RBFOX1: variants seen among roughly 807,000 people sequenced by gnomAD.
The protein encoded by RBFOX1 is RNA binding fox-1 homolog 1, also known as RNA binding protein fox-1 homolog 1.
Under a neutral mutation model 57.7 loss-of-function variants are expected in RBFOX1, and 8 were observed. The observed-to-expected ratio is 0.14, with a 90% CI of 0.08 to 0.25. RBFOX1 has a LOEUF of 0.25. Ranked by LOEUF, RBFOX1 falls within the 10% of genes least tolerant of loss-of-function variation. The pLI is 1.00. For synonymous variants in RBFOX1, 326 were observed against 222.4 expected (o/e 1.47, Z -4.15); for missense variants, 611 against 548.5 (o/e 1.11, Z -1.14).
chr16:6,694,836 C>G (rs778190438), intron 3 of RBFOX1, among the ~76,000 whole-genome samples: 5 of 152,060 alleles, frequency 3.3e-5, no homozygotes, highest in Non-Finnish European at 5.9e-5. Flanking sequence ...ATTGGACAGA[C>G]CTGGTCTAGA....
chr16:6,942,521 G>T (rs951996474), intron 3 of RBFOX1, among the ~76,000 whole-genome samples: 1 of 152,134 alleles, frequency 6.6e-6, no homozygotes, highest in Non-Finnish European at 1.5e-5. Flanking sequence ...TTCCTAGTGA[G>T]ACTATCAGTT....
intron 3 of RBFOX1, among the ~76,000 whole-genome samples, chr16:6,844,397 C>G (rs2093650965): frequency 6.6e-6 from 1 of 152,056 alleles, no homozygotes; most frequent in Non-Finnish European, 1.5e-5. Flanking sequence ...TCCCATGTGC[C>G]CATGTGTTCT....
intron 4 of RBFOX1, among the ~76,000 whole-genome samples, chr16:7,200,297 A>C (rs2088002227): frequency 6.6e-6 from 1 of 152,130 alleles, no homozygotes; most frequent in African/African-American, 2.4e-5. Context: ...TGGAGTGGAG[A>C]AGTGAATAAC....
intron 3 of RBFOX1, among the ~76,000 whole-genome samples, chr16:6,924,466 G>A (rs1245707264): frequency 1.3e-5 from 2 of 152,118 alleles, no homozygotes; most frequent in African/African-American, 4.8e-5. Context: ...CAGGCACCAA[G>A]CCATTCTTGA....
At chr16:5,558,105 A>G (rs1479942619) in intron 2 of RBFOX1, among the ~76,000 whole-genome samples, 5 of 152,114 alleles carry the variant, frequency 3.3e-5, no homozygotes, top group South Asian at 2.1e-4. Flanking sequence ...CCATCACTCA[A>G]TAATACCTTG....
chr16:7,524,929 A>C (rs1481963833), intron 5 of RBFOX1, among the ~76,000 whole-genome samples: 1 of 152,218 alleles, frequency 6.6e-6, no homozygotes, highest in Non-Finnish European at 1.5e-5. Context: ...ATCATCATCA[A>C]AGCAATTCAG....
At chr16:6,490,037 G>A (rs2095596597) in intron 2 of RBFOX1, among the ~76,000 whole-genome samples, 1 of 152,176 alleles carries the variant, frequency 6.6e-6, no homozygotes, top group Non-Finnish European at 1.5e-5. Context: ...TGCCAGGTGG[G>A]TGATGGTGGA....
At chr16:5,838,063 A>C (rs1333226004) in intron 3 of RBFOX1, 1 of 152,656 alleles carries the variant, frequency 6.6e-6, no homozygotes, top group Admixed American at 6.5e-5. Context: ...GGGGCTTGAA[A>C]ACATAATTCT....
chr16:6,341,665 T>C (rs1223494800), intron 2 of RBFOX1, among the ~76,000 whole-genome samples: 1 of 152,094 alleles, frequency 6.6e-6, no homozygotes, highest in Non-Finnish European at 1.5e-5. Context: ...TGTTATGCTG[T>C]ATATAAACAA....
intron 3 of RBFOX1, among the ~76,000 whole-genome samples, chr16:6,990,087 A>C (rs1035128840): frequency 6.6e-6 from 1 of 152,224 alleles, no homozygotes. Flanking sequence ...AAGAGGTCAG[A>C]TACTGCTTGT....
intron 1 of RBFOX1, among the ~76,000 whole-genome samples, chr16:6,076,906 G>A (rs188161386): frequency 6.6e-6 from 1 of 152,264 alleles, no homozygotes; most frequent in East Asian, 1.9e-4. Flanking sequence ...GTGGGAACAT[G>A]GAAGCCAATG....
Position 6,690,897 on chromosome 16 carries a change from G to A in RBFOX1, c.-16+36247G>A, listed in dbSNP as rs1305008305. On this transcript the variant is annotated intron_variant, in intron 3 of 15. Coordinates refer to ENST00000550418, the MANE Select transcript of RBFOX1 (RefSeq NM_018723.4). ...TGAAACATAATCAGGGGAATTGGCA[G>A]GTTTGGGTTTTCATTTTCACCTCCG... is the stretch of plus-strand genomic sequence containing the variant. 3.3e-5 allele frequency among the ~76,000 whole-genome samples: 5 copies of A among 152,060 alleles called. No homozygotes were observed. In the East Asian group the frequency reaches 7.7e-4, roughly 24 times the overall value.
intron 1 of RBFOX1, among the ~76,000 whole-genome samples, chr16:6,158,178 C>G (rs2096852002): frequency 6.6e-6 from 1 of 152,170 alleles, no homozygotes; most frequent in African/African-American, 2.4e-5. Context: ...AGGTATCAGA[C>G]ACAATGCTGG....
chr16:6,756,685 A>T (rs982993800), intron 3 of RBFOX1, among the ~76,000 whole-genome samples: 4 of 152,180 alleles, frequency 2.6e-5, no homozygotes, highest in Non-Finnish European at 5.9e-5. Flanking sequence ...AAAAGAAGAT[A>T]TACAGGCCGG....
At chr16:7,668,790 T>G (rs1301327280) in intron 13 of RBFOX1, among the ~76,000 whole-genome samples, 2 of 152,198 alleles carry the variant, frequency 1.3e-5, no homozygotes, top group Non-Finnish European at 2.9e-5. Context: ...TACATTCATT[T>G]TAATTAAAAA....
At chr16:6,070,147 T>G (rs2095818083) in intron 1 of RBFOX1, among the ~76,000 whole-genome samples, 1 of 152,178 alleles carries the variant, frequency 6.6e-6, no homozygotes, top group African/African-American at 2.4e-5. Context: ...AGTAATAATA[T>G]GAGAACTTTG....
intron 1 of RBFOX1, among the ~76,000 whole-genome samples, chr16:6,299,504 A>C (rs531451212): frequency 5.8e-4 from 88 of 152,264 alleles, no homozygotes; most frequent in African/African-American, 2.0e-3. Context: ...GGTGAAGCGC[A>C]CGTAAGCCAC....
intron 4 of RBFOX1, among the ~76,000 whole-genome samples, chr16:7,165,421 T>TAA (rs2079256441): frequency 6.7e-6 from 1 of 148,366 alleles, no homozygotes; most frequent in African/African-American, 2.5e-5. Flanking sequence ...ATAATAATCA[T>TAA]TATTATTATT....
intron 2 of RBFOX1, among the ~76,000 whole-genome samples, chr16:6,601,825 A>G (rs2097856870): frequency 6.6e-6 from 1 of 152,166 alleles, no homozygotes; most frequent in South Asian, 2.1e-4. Context: ...CCCGCATGGA[A>G]TTGAAGATGT....
Sources: gnomAD v4.1 joint callset for allele counts (sites outside exome capture counted in the v4.1 genomes callset) on GRCh38, gnomAD v4.1.1 for gene constraint, MANE v1.5 for transcripts, NCBI Gene and HGNC (gene_info 2026-07-23, HGNC 2026-07-21) for gene names.